The following DPYSL2 variants were observed in gnomAD, a reference collection of about 807,000 sequenced individuals.
DPYSL2 encodes the protein dihydropyrimidinase-related protein 2.
A neutral mutation model predicts 69.9 loss-of-function variants in DPYSL2; 13 were observed. That is an observed-to-expected ratio of 0.19 (90% CI 0.12 to 0.30). DPYSL2 has a LOEUF of 0.30. Ranked by LOEUF, DPYSL2 falls within the 10% of genes least tolerant of loss-of-function variation. The probability of loss-of-function intolerance (pLI) is 1.00; values close to 1 mark genes in which losing one functional copy is unlikely to be tolerated. For missense variants in DPYSL2, 587 were observed against 918.9 expected (o/e 0.64, Z 4.67); for synonymous variants, 326 against 359.1 (o/e 0.91, Z 1.04).
chr8:26,588,224 C>T lies in DPYSL2; in HGVS notation c.628+4241C>T, dbSNP rs1300917608. On this transcript the variant is annotated intron_variant, in intron 3 of 13. Transcript: ENST00000521913. The surrounding 1 kb of genome is among the most constrained non-coding windows in gnomAD (Gnocchi z 5.4). ...ATGGCCGGAGAAACAGGCTGAGCTGCCGTAGGGCTTGACCTGAGTATTCAC... is the reference window on the plus strand; with the variant it reads ...ATGGCCGGAGAAACAGGCTGAGCTGTCGTAGGGCTTGACCTGAGTATTCAC... Among the ~76,000 whole-genome samples, 2 of 152,210 alleles carry T rather than the reference C, an allele frequency of 1.3e-5. No individual in the cohort carries two copies. Among genetic ancestry groups the T allele is most frequent in the African/African-American group, 4.8e-5 (2 of 41,456 alleles).
chr8:26,620,355 C>T lies in DPYSL2; in HGVS notation c.629-3788C>T, dbSNP rs1802452948. Among the ~76,000 whole-genome samples the T allele has an allele frequency of 6.6e-6, 1 of 152,110 alleles. No individual in the cohort carries two copies. Among genetic ancestry groups the T allele is most frequent in the Non-Finnish European group, 1.5e-5 (1 of 68,028 alleles). The stretch of plus-strand genomic sequence containing the variant: ...CACTGCAACCTCCGCCTCCTGGGTT[C>T]AAGTGATTCTCCTGCCTCAGCCTCC... On this transcript the variant is annotated intron_variant, in intron 3 of 13. Transcript: ENST00000521913. The surrounding 1 kb of genome is among the most constrained non-coding windows in gnomAD (Gnocchi z 4.5).
At position 26,564,234 on chromosome 8, in the gene DPYSL2, A is replaced by T. The variant is rs1801115592; in HGVS notation, c.355-17735A>T. Among the ~76,000 whole-genome samples the T allele has an allele frequency of 6.6e-6, 1 of 152,170 alleles. No homozygotes were observed. The highest frequency in any genetic ancestry group is 6.5e-5 in the Admixed American group (1 of 15,280). On this transcript the variant is annotated intron_variant, in intron 1 of 13. Coordinates refer to ENST00000521913, the MANE Select transcript of DPYSL2 (RefSeq NM_001197293.3). The surrounding 1 kb of genome is among the most constrained non-coding windows in gnomAD (Gnocchi z 4.8). The stretch of plus-strand genomic sequence containing the variant: ...GGAGTCAGGCGAAGAGGCCAACTGT[A>T]GTGGGTTGAGAAGCAAATGGGAGTG...
At chr8:26,561,168 A>G (rs1801064091) in intron 1 of DPYSL2, among the ~76,000 whole-genome samples, 1 of 152,076 alleles carries the variant, frequency 6.6e-6, no homozygotes, top group Admixed American at 6.6e-5. Context: ...GGTTATATCC[A>G]GTTGCCTCTC....
At chr8:26,527,988 G>A (rs1808509444) in intron 1 of DPYSL2, among the ~76,000 whole-genome samples, 1 of 151,956 alleles carries the variant, frequency 6.6e-6, no homozygotes, top group Non-Finnish European at 1.5e-5. Context: ...TTTTTTAGTA[G>A]AGACGAGGTT....
chr8:26,612,255 G>A (rs1802246925), intron 3 of DPYSL2, among the ~76,000 whole-genome samples: 1 of 152,220 alleles, frequency 6.6e-6, no homozygotes, highest in African/African-American at 2.4e-5. Flanking sequence ...GTGACAGAGT[G>A]AAGAGGTGAC....
intron 7 of DPYSL2, among the ~76,000 whole-genome samples, chr8:26,633,189 G>C (rs1000376933): frequency 1.3e-5 from 2 of 152,218 alleles, no homozygotes; most frequent in Middle Eastern, 3.2e-3. Flanking sequence ...CTGTGTATCA[G>C]ACAGGACATT....
chr8:26,648,592 C>T lies in DPYSL2; in HGVS notation c.1596+792C>T, dbSNP rs1803220055. On this transcript the variant is annotated intron_variant, in intron 11 of 13. Coordinates refer to ENST00000521913, the MANE Select transcript of DPYSL2 (RefSeq NM_001197293.3). This position sits in a 1 kb window ranked among gnomAD's most constrained non-coding sequence, Gnocchi z 4.3. ...TAGGCAGAAAAACTGAAGGAATATG[C>T]CCAGAGGGAGAGCTTTGGAAAAGAA... is the stretch of plus-strand genomic sequence containing the variant. Among the ~76,000 whole-genome samples the T allele has an allele frequency of 6.6e-6, 1 of 152,180 alleles. No individual in the cohort carries two copies. The highest frequency in any genetic ancestry group is 1.5e-5 in the Non-Finnish European group (1 of 68,038).
chr8:26,604,657 CTTT>C, intron 3 of DPYSL2, among the ~76,000 whole-genome samples: 1 of 145,680 alleles, frequency 6.9e-6, no homozygotes, highest in African/African-American at 2.5e-5. Context: ...TCAAGTCTTG[CTTT>C]TTTTTTTTTT....
In DPYSL2 at chr8:26,609,769, G is replaced by A. The variant is rs1802187524; in HGVS notation, c.629-14374G>A. 6.6e-6 allele frequency among the ~76,000 whole-genome samples: 1 copy of A among 152,144 alleles called. No homozygotes were observed. Among genetic ancestry groups the A allele is most frequent in the South Asian group, 2.1e-4 (1 of 4,824 alleles). On this transcript the variant is annotated intron_variant, in intron 3 of 13. Coordinates refer to ENST00000521913, the MANE Select transcript of DPYSL2 (RefSeq NM_001197293.3). The surrounding 1 kb of genome is among the most constrained non-coding windows in gnomAD (Gnocchi z 6.5). The stretch of plus-strand genomic sequence containing the variant: ...GGAAGCACCTCTGGCTTGTCCCCCA[G>A]CCCCCAGGGTCCCTGCCACTCATTA...
chr8:26,555,521 A>G (rs971596687), intron 1 of DPYSL2, among the ~76,000 whole-genome samples: 1 of 152,190 alleles, frequency 6.6e-6, no homozygotes, highest in Non-Finnish European at 1.5e-5. Context: ...AAAAAATTAG[A>G]TATAAATCTA....
At chr8:26,646,158 G>A (rs1409416798) in intron 10 of DPYSL2, among the ~76,000 whole-genome samples, 1 of 151,102 alleles carries the variant, frequency 6.6e-6, no homozygotes, top group African/African-American at 2.4e-5. Flanking sequence ...GAGCCACCAC[G>A]CCCAGCCACA....
chr8:26,595,589 T>C (rs5029306), intron 3 of DPYSL2, among the ~76,000 whole-genome samples: 89,105 of 152,090 alleles, frequency 0.59, 27,161 homozygotes, highest in East Asian at 0.79. Flanking sequence ...ACCAGACCTC[T>C]GCCCTCTTCC....
intron 1 of DPYSL2, chr8:26,577,802 C>G (rs1284593069): frequency 4.0e-6 from 4 of 993,314 alleles, no homozygotes; most frequent in Non-Finnish European, 4.8e-6. Context: ...CGCCGCGCCC[C>G]GCCCCACCGG....
In DPYSL2 at chr8:26,514,592, C is replaced by G. The variant is rs1808242143; in HGVS notation, c.267C>G (p.Ala89=). 2 of 1,505,880 alleles carry G rather than the reference C, an allele frequency of 1.3e-6. No individual in the cohort carries two copies. Among genetic ancestry groups the G allele is most frequent in the Non-Finnish European group, 1.8e-6 (2 of 1,133,366 alleles). 93.3% of individuals were successfully genotyped at this position (1,505,880 alleles called of 1,614,324 possible). Residue 89 remains alanine, a synonymous_variant, in exon 1 of 14, where the codon GCC becomes GCG. Coordinates refer to ENST00000521913, the MANE Select transcript of DPYSL2 (RefSeq NM_001197293.3). The surrounding 1 kb of genome is among the most constrained non-coding windows in gnomAD (Gnocchi z 8.4). ...QPPYSRQGRR[A]GGEPSVESGR... ...CGTACTCGCGGCAGGGCCGGCGCGC[C>G]GGCGGAGAGCCATCTGTTGAATCGG...
intron 1 of DPYSL2, among the ~76,000 whole-genome samples, chr8:26,534,901 G>A (rs1800567428): frequency 1.3e-5 from 2 of 152,084 alleles, no homozygotes; most frequent in Admixed American, 1.3e-4. Flanking sequence ...CCAAAACACT[G>A]GGATTATAGG....
Position 26,624,126 on chromosome 8 carries a change from T to C in DPYSL2, c.629-17T>C, listed in dbSNP as rs1563414530. On this transcript the variant is annotated splice_polypyrimidine_tract_variant and intron_variant, in intron 3 of 13. Transcript: ENST00000521913. This position sits in a 1 kb window ranked among gnomAD's most constrained non-coding sequence, Gnocchi z 4.7. ...TGAGGCTCTTGGTGATGATGACATA[T>C]GTCTGTTTCTTTCTAGTTGACCACG... 5 of 1,613,828 alleles carry C rather than the reference T, an allele frequency of 3.1e-6. No homozygotes were observed. In the East Asian group the frequency reaches 1.1e-4, roughly 36 times the overall value.
At chr8:26,589,831 A>T (rs777516609) in intron 3 of DPYSL2, among the ~76,000 whole-genome samples, 2 of 152,240 alleles carry the variant, frequency 1.3e-5, no homozygotes, top group Non-Finnish European at 2.9e-5. Flanking sequence ...GAGGGTCACA[A>T]CATGGAGAAA....
At chr8:26,567,504 GTC>G (rs1363905475) in intron 1 of DPYSL2, among the ~76,000 whole-genome samples, 1 of 152,262 alleles carries the variant, frequency 6.6e-6, no homozygotes, top group Admixed American at 6.5e-5. Context: ...AGAAAGTATA[GTC>G]TCTGTCTTCA....
chr8:26,617,737 A>G lies in DPYSL2; in HGVS notation c.629-6406A>G, dbSNP rs1242241789. 6.6e-6 allele frequency among the ~76,000 whole-genome samples: 1 copy of G among 152,254 alleles called. No homozygotes were observed. The highest frequency in any genetic ancestry group is 6.5e-5 in the Admixed American group (1 of 15,294). ...GACATGATGCCAAGTGAAAGCAGACAGACGCACAAGACTACATCTTTTATG... is the reference window on the plus strand; with the variant it reads ...GACATGATGCCAAGTGAAAGCAGACGGACGCACAAGACTACATCTTTTATG... On this transcript the variant is annotated intron_variant, in intron 3 of 13. Transcript: ENST00000521913. The surrounding 1 kb of genome is among the most constrained non-coding windows in gnomAD (Gnocchi z 4.7).
Sources: gnomAD v4.1 joint callset for allele counts (sites outside exome capture counted in the v4.1 genomes callset) on GRCh38, gnomAD v4.1.1 for gene constraint, Gnocchi (gnomAD v3.1) non-coding constraint, MANE v1.5 for transcripts, NCBI Gene and HGNC (gene_info 2026-07-23, HGNC 2026-07-21) for gene names.